WWP2: variants seen among roughly 807,000 people sequenced by gnomAD.
The protein encoded by WWP2 is WW domain containing E3 ubiquitin protein ligase 2, also known as NEDD4-like E3 ubiquitin-protein ligase WWP2.
In WWP2, 57 loss-of-function variants were observed where a neutral mutation model predicts 121.0. The observed-to-expected ratio is 0.47, with a 90% CI of 0.38 to 0.59. The LOEUF is 0.59. Ranked by LOEUF, WWP2 falls within the 20% of genes least tolerant of loss-of-function variation. The pLI, the probability that WWP2 is intolerant of heterozygous loss-of-function variation, is 0.00. For synonymous variants in WWP2, 449 were observed against 441.3 expected, an observed-to-expected ratio of 1.02 and a Z score of -0.22; for missense variants, 962 against 1,158.9, an observed-to-expected ratio of 0.83 and a Z score of 2.47.
In WWP2 at chr16:69,872,059, T is replaced by A; in HGVS notation, c.703+128T>A. ...GCGTCAGAAGGCTCTAGGACTAAACTGGATTTGAATCCATCAGTCTTTCTA... is the reference window on the plus strand; with the variant it reads ...GCGTCAGAAGGCTCTAGGACTAAACAGGATTTGAATCCATCAGTCTTTCTA... On this transcript the variant is annotated intron_variant, in intron 7 of 23. Coordinates refer to ENST00000359154, the MANE Select transcript of WWP2 (RefSeq NM_001270454.2). 6 of 1,363,168 alleles carry A rather than the reference T, an allele frequency of 4.4e-6. No homozygotes were observed. The South Asian group carries it at 7.5e-5, about 17-fold the overall frequency. 84.4% of individuals were successfully genotyped at this position (1,363,168 alleles called of 1,614,324 possible).
At chr16:69,933,443 T>C (rs1425273997) in intron 16 of WWP2, among the ~76,000 whole-genome samples, 2 of 152,228 alleles carry the variant, frequency 1.3e-5, no homozygotes, top group Non-Finnish European at 2.9e-5. Context: ...GTTTCTCATC[T>C]GAAGGCAGCA....
At chr16:69,846,639 T>C (rs1484707437) in intron 6 of WWP2, among the ~76,000 whole-genome samples, 2 of 151,754 alleles carry the variant, frequency 1.3e-5, no homozygotes, top group Admixed American at 1.3e-4. Flanking sequence ...GAGAATCACT[T>C]GAACCCCCGA....
In WWP2 at chr16:69,860,840, T is replaced by TAA. The variant is rs11464525; in HGVS notation, c.576-10952_576-10951dup. Among the ~76,000 whole-genome samples the TAA allele has an allele frequency of 3.7e-3, 540 of 144,970 alleles. 2 individuals carry two copies. Among genetic ancestry groups the TAA allele is most frequent in the South Asian group, 7.0e-3 (32 of 4,578 alleles). On this transcript the variant is annotated intron_variant, in intron 6 of 23. Transcript: ENST00000359154. ...AACATAGCAAGACTCGATCTCTAGT[T>TAA]AAAAAAAAAAAAAGGAAAGAAAGAA...
rs1246488581 is a variant in WWP2, at chr16:69,932,977, G to T, written c.1683-993G>T. 3 of 468,648 alleles carry T rather than the reference G, an allele frequency of 6.4e-6. No homozygotes were observed. In the East Asian group the frequency reaches 2.1e-4, roughly 33 times the overall value. The allele number at this position is 468,648 out of a possible 1,614,324, so 29.0% of individuals were successfully genotyped here. A position where few individuals can be genotyped will look rare whatever the true frequency, so the allele number is the denominator to read the frequency against. ...GCTTCTGGTCCTCTGTTCGGTGGTG[G>T]CGTTGCCTTCTGCGCTGGCCCCGTG... On this transcript the variant is annotated intron_variant, in intron 16 of 23. Transcript: ENST00000359154.
At chr16:69,804,410 A>G (rs546725596) in intron 4 of WWP2, among the ~76,000 whole-genome samples, 2 of 152,200 alleles carry the variant, frequency 1.3e-5, no homozygotes, top group African/African-American at 4.8e-5. Context: ...TTTTTCCCTA[A>G]TATGTAGCTG....
intron 1 of WWP2, among the ~76,000 whole-genome samples, chr16:69,774,281 G>A (rs745533742): frequency 6.6e-6 from 1 of 151,654 alleles, no homozygotes; most frequent in Non-Finnish European, 1.5e-5. Flanking sequence ...TTTTGAGACA[G>A]GGTCTTGCTC....
chr16:69,821,462 G>A (rs1254711109), intron 4 of WWP2, among the ~76,000 whole-genome samples: 1 of 152,190 alleles, frequency 6.6e-6, no homozygotes, highest in Non-Finnish European at 1.5e-5. Flanking sequence ...CTCACCTGAA[G>A]AGAGAAGAAA....
rs150528209 is a variant in WWP2 at position 69,787,060 on chromosome 16, A to C, written c.50A>C (p.Lys17Thr). The C allele has an allele frequency of 4.2e-5, 68 of 1,613,434 alleles. No homozygotes were observed. Among genetic ancestry groups the C allele is most frequent in the Non-Finnish European group, 5.3e-5 (63 of 1,179,774 alleles). ...GCAGGAGTGGCCCTGCCTTTTGAGAAGTCTCAGCTCACTTTGAAAGGTGAG... is the reference window on the plus strand; with the variant it reads ...GCAGGAGTGGCCCTGCCTTTTGAGACGTCTCAGCTCACTTTGAAAGGTGAG... ...SRAGVALPFEKSQLTLKVVSA... is the reference protein window; with the variant it reads ...SRAGVALPFETSQLTLKVVSA... The change falls in exon 2 of 24, where the codon AAG becomes ACG. Residue 17 changes from lysine to threonine, a missense_variant. Physicochemically the swap from Lys to Thr is moderately conservative, Grantham distance 78 (BLOSUM62 -1). Coordinates refer to ENST00000359154, the MANE Select transcript of WWP2 (RefSeq NM_001270454.2).
chr16:69,801,260 C>T (rs944991451), intron 4 of WWP2, among the ~76,000 whole-genome samples: 13 of 149,192 alleles, frequency 8.7e-5, no homozygotes, highest in Non-Finnish European at 1.8e-4. Flanking sequence ...AGACAGGTTT[C>T]TCACTTTGTC....
intron 4 of WWP2, among the ~76,000 whole-genome samples, chr16:69,803,956 C>G (rs922385002): frequency 6.6e-6 from 1 of 151,998 alleles, no homozygotes; most frequent in Non-Finnish European, 1.5e-5. Context: ...AGCCTCCACC[C>G]TACTTTTTAA....
chr16:69,852,255 C>T (rs1028086199), intron 6 of WWP2, among the ~76,000 whole-genome samples: 1 of 151,706 alleles, frequency 6.6e-6, no homozygotes, highest in African/African-American at 2.4e-5. Flanking sequence ...ATTTGCATTT[C>T]CTGGATGATA....
intron 1 of WWP2, among the ~76,000 whole-genome samples, 189 bp downstream of exon 1, chr16:69,762,580 T>C (rs970579077): frequency 1.3e-5 from 2 of 148,598 alleles, no homozygotes; most frequent in African/African-American, 5.0e-5. Flanking sequence ...CCCGCCCGAG[T>C]GGGGTGGGCG....
rs953725874 is a variant in WWP2 at position 69,935,345 on chromosome 16, G to A, written c.1843-508G>A. On this transcript the variant is annotated intron_variant, in intron 17 of 23. Coordinates refer to ENST00000359154, the MANE Select transcript of WWP2 (RefSeq NM_001270454.2). The surrounding 1 kb of genome is among the most constrained non-coding windows in gnomAD (Gnocchi z 5.2). The stretch of plus-strand genomic sequence containing the variant: ...ACATTCTTCCCAGGTCTAGAGACCC[G>A]CCTGGCCCAGCAGCCAGCAGGACAG... Among the ~76,000 whole-genome samples the A allele has an allele frequency of 6.6e-6, 1 of 152,166 alleles. No individual in the cohort carries two copies. Among genetic ancestry groups the A allele is most frequent in the Non-Finnish European group, 1.5e-5 (1 of 68,024 alleles).
In WWP2 at chr16:69,917,866, C is replaced by A; in HGVS notation, c.1162C>A (p.Gln388Lys). ...QLQGAMQHFS[Q>K]RFLYQSSSAS... is the part of the protein sequence containing the mutation. ...CCAGGGGGCCATGCAGCACTTCAGCCAAAGATTCCTCTACCAGGTGAGAGG... is the reference window on the plus strand; with the variant it reads ...CCAGGGGGCCATGCAGCACTTCAGCAAAAGATTCCTCTACCAGGTGAGAGG... The change falls in exon 10 of 24, where the codon CAA becomes AAA. Residue 388 changes from glutamine (Q) to lysine (K), a missense_variant. By Grantham distance (53) the Gln-to-Lys change is moderately conservative. Around this residue, in one of 3 missense-constraint regions of WWP2, gnomAD observed 606 missense variants for 772.6 expected, o/e 0.78. Coordinates refer to ENST00000359154, the MANE Select transcript of WWP2 (RefSeq NM_001270454.2). 1 of 1,611,962 alleles carries A rather than the reference C, an allele frequency of 6.2e-7. No homozygotes were observed. Among genetic ancestry groups the A allele is most frequent in the South Asian group, 1.1e-5 (1 of 91,042 alleles).
At chr16:69,806,587 C>T (rs1178864683) in intron 4 of WWP2, among the ~76,000 whole-genome samples, 1 of 152,062 alleles carries the variant, frequency 6.6e-6, no homozygotes, top group Non-Finnish European at 1.5e-5. Flanking sequence ...GTTTTCCCCC[C>T]CATAATTACT....
intron 4 of WWP2, among the ~76,000 whole-genome samples, chr16:69,825,057 C>T (rs1006395632): frequency 4.6e-5 from 7 of 152,164 alleles, no homozygotes; most frequent in Non-Finnish European, 7.4e-5. Context: ...CCACTGTGCT[C>T]GGCCTTGCAT....
chr16:69,801,085 A>T (rs2056154424), intron 4 of WWP2, among the ~76,000 whole-genome samples: 1 of 147,906 alleles, frequency 6.8e-6, no homozygotes, highest in Non-Finnish European at 1.5e-5. Flanking sequence ...GCTACTCAGG[A>T]CGCTGAGACA....
rs142813668 is a variant in WWP2 at position 69,777,435 on chromosome 16, G to T, written c.-15-9561G>T. 8.4e-3 allele frequency among the ~76,000 whole-genome samples: 1,278 copies of T among 151,446 alleles called. 18 individuals are homozygous for T. The highest frequency in any genetic ancestry group is 0.03 in the African/African-American group (1,226 of 41,288). ...CCTGCCTCAGCCTCCTTATTAACTGGGATTACAGGCACCTGCCACCACGAC... is the reference window on the plus strand; with the variant it reads ...CCTGCCTCAGCCTCCTTATTAACTGTGATTACAGGCACCTGCCACCACGAC... On this transcript the variant is annotated intron_variant, in intron 1 of 23. Transcript: ENST00000359154.
At chr16:69,885,102 T>TACACACACACAC (rs3051438) in intron 7 of WWP2, among the ~76,000 whole-genome samples, 478 of 140,026 alleles carry the variant, frequency 3.4e-3, no homozygotes, top group South Asian at 9.9e-3. Context: ...AAACTCCTCC[T>TACACACACACAC]ACACACACAC....
Sources: allele counts gnomAD v4.1 joint callset (sites outside exome capture counted in the v4.1 genomes callset), GRCh38; gene constraint gnomAD v4.1.1; regional missense constraint gnomAD v4.1.1; non-coding constraint Gnocchi (gnomAD v3.1); transcripts MANE v1.5; gene names NCBI Gene and HGNC (gene_info 2026-07-23, HGNC 2026-07-21).